PDCD6IP: variants seen among roughly 807,000 people sequenced by gnomAD.
PDCD6IP encodes the protein programmed cell death 6 interacting protein, also known as programmed cell death 6-interacting protein.
A neutral mutation model predicts 103.7 loss-of-function variants in PDCD6IP; 43 were observed. The ratio of observed to expected loss-of-function variants is 0.41; its 90% CI spans 0.32 to 0.53. PDCD6IP has a LOEUF of 0.53. Among genes scored for constraint, PDCD6IP ranks in the 20% least tolerant of loss-of-function variants. The probability of loss-of-function intolerance (pLI) is 0.16; values close to 1 mark genes in which losing one functional copy is unlikely to be tolerated. For synonymous variants in PDCD6IP, 354 were observed against 378.7 expected (o/e 0.93, Z 0.76); for missense variants, 871 against 1,036.7 (o/e 0.84, Z 2.20).
intron 1 of PDCD6IP, chr3:33,799,573 A>T (rs9876986): frequency 6.6e-6 from 1 of 152,122 alleles, no homozygotes; most frequent in Admixed American, 6.5e-5. Context: ...TCACAAACAG[A>T]TATATACACA....
chr3:33,857,326 G>A (rs1310602888), intron 15 of PDCD6IP, among the ~76,000 whole-genome samples: 2 of 151,940 alleles, frequency 1.3e-5, no homozygotes, highest in Non-Finnish European at 2.9e-5. Context: ...CATTACAGGT[G>A]TGCACCACCA....
intron 17 of PDCD6IP, 124 bp downstream of exon 17, chr3:33,865,554 C>A: frequency 1.5e-6 from 1 of 654,734 alleles, no homozygotes; most frequent in Non-Finnish European, 2.5e-6. Flanking sequence ...GCTACACTGT[C>A]AGCTTATCCA....
At chr3:33,860,244 A>G (rs1048044649) in intron 15 of PDCD6IP, among the ~76,000 whole-genome samples, 12 of 152,208 alleles carry the variant, frequency 7.9e-5, no homozygotes, top group African/African-American at 2.7e-4. Flanking sequence ...TTTTATTTAC[A>G]CTTGTCAAGT....
intron 8 of PDCD6IP, among the ~76,000 whole-genome samples, chr3:33,836,593 C>T (rs987977553): frequency 2.0e-5 from 3 of 151,746 alleles, no homozygotes; most frequent in Admixed American, 2.0e-4. Context: ...TGGTGGCTCA[C>T]ACCTGTAATC....
chr3:33,809,209 A>G (rs757355290), intron 1 of PDCD6IP, among the ~76,000 whole-genome samples: 2 of 152,140 alleles, frequency 1.3e-5, no homozygotes, highest in Non-Finnish European at 2.9e-5. Flanking sequence ...TTCCCCTCTA[A>G]AAGCTTCACA....
intron 15 of PDCD6IP, among the ~76,000 whole-genome samples, chr3:33,859,109 G>T (rs1323074730): frequency 6.6e-6 from 1 of 152,124 alleles, no homozygotes; most frequent in Non-Finnish European, 1.5e-5. Flanking sequence ...ATAGAAAATA[G>T]AAATAGATTC....
At chr3:33,826,750 A>G in intron 6 of PDCD6IP, 170 bp downstream of exon 6, 1 of 1,368,446 alleles carries the variant, frequency 7.3e-7, no homozygotes, top group South Asian at 1.7e-5. Context: ...AGATGCATGA[A>G]CAATTCTTTT....
At chr3:33,827,062 C>T in intron 6 of PDCD6IP, 1 of 985,174 alleles carries the variant, frequency 1.0e-6, no homozygotes, top group Non-Finnish European at 1.2e-6. Flanking sequence ...TCAGTTTTGC[C>T]AACAGGGATA....
intron 12 of PDCD6IP, among the ~76,000 whole-genome samples, chr3:33,849,876 C>T (rs2125571344): frequency 6.6e-6 from 1 of 152,230 alleles, no homozygotes; most frequent in East Asian, 1.9e-4. Context: ...GGATCTCTAT[C>T]TTTGTGTGGT....
rs1432318518 is a variant in PDCD6IP, at chr3:33,842,027, A to G, written c.1312A>G (p.Lys438Glu). 6.2e-7 allele frequency: 1 copy of G among 1,613,098 alleles called. No individual in the cohort carries two copies. Among genetic ancestry groups the G allele is most frequent in the South Asian group, 1.1e-5 (1 of 90,980 alleles). The part of the protein sequence containing the change: ...GGIQTVDQLI[K>E]ELPELLQRNR... Reference sequence around the variant, plus strand: ...CATCCAGACTGTTGATCAGTTGATTAAAGAACTGCCTGAATTACTGCAACG... The same window carrying G: ...CATCCAGACTGTTGATCAGTTGATTGAAGAACTGCCTGAATTACTGCAACG... The change falls in exon 10 of 18, where the codon AAA becomes GAA. Residue 438 changes from lysine to glutamate, a missense_variant. This residue lies in a region of PDCD6IP where 266 missense variants were observed against 390.5 expected (regional missense o/e 0.68). Coordinates refer to ENST00000307296, the MANE Select transcript of PDCD6IP (RefSeq NM_013374.6).
Position 33,841,981 on chromosome 3 carries a change from A to T in PDCD6IP, c.1266A>T (p.Arg422Ser), listed in dbSNP as rs1050703511. The change falls in exon 10 of 18, where the codon AGA becomes AGT. Residue 422 changes from arginine (R) to serine (S), a missense_variant. Coordinates refer to ENST00000307296, the MANE Select transcript of PDCD6IP (RefSeq NM_013374.6). ...TVPQSILTKS[R>S]SVIEQGGIQT... is the part of the protein sequence containing the mutation. Reference sequence around the variant, plus strand: ...CTCAGTCTATATTGACTAAATCCAGATCTGTGATTGAACAGGGAGGCATCC... The same window carrying T: ...CTCAGTCTATATTGACTAAATCCAGTTCTGTGATTGAACAGGGAGGCATCC... 3.8e-6 allele frequency: 6 copies of T among 1,595,482 alleles called. No individual in the cohort carries two copies. In the African/African-American group the frequency reaches 6.7e-5, roughly 18 times the overall value.
intron 3 of PDCD6IP, among the ~76,000 whole-genome samples, chr3:33,817,932 T>C (rs1034658341): frequency 1.3e-5 from 2 of 152,006 alleles, no homozygotes; most frequent in East Asian, 1.9e-4. Context: ...ATAGCTCTTA[T>C]ATGTAAAATC....
chr3:33,827,175 G>T (rs529677365), intron 6 of PDCD6IP: 2 of 982,620 alleles, frequency 2.0e-6, no homozygotes, highest in South Asian at 4.7e-5. Flanking sequence ...AGTGACAATT[G>T]TAAAGACTAT....
intron 6 of PDCD6IP, 138 bp downstream of exon 6, chr3:33,826,718 GT>G (rs5847793): frequency 0.16 from 160,468 of 1,011,970 alleles, 6 homozygotes; most frequent in South Asian, 0.17. Context: ...AGTAGAAATA[GT>G]TTTTTTTTTT....
chr3:33,854,155 T>C, intron 14 of PDCD6IP, 142 bp downstream of exon 14: 1 of 862,760 alleles, frequency 1.2e-6, no homozygotes, highest in South Asian at 2.3e-5. Flanking sequence ...CTGCGAAGTT[T>C]GTTATAGGAG....
intron 1 of PDCD6IP, among the ~76,000 whole-genome samples, chr3:33,803,761 T>C (rs916315967): frequency 6.6e-6 from 1 of 152,184 alleles, no homozygotes; most frequent in African/African-American, 2.4e-5. Context: ...AAACCAAGGC[T>C]TTTTGGTTGG....
intron 15 of PDCD6IP, 71 bp from the exon 16 acceptor site, chr3:33,863,932 AAAG>A (rs1698008350): frequency 2.1e-6 from 2 of 963,164 alleles, no homozygotes; most frequent in African/African-American, 1.6e-5. Flanking sequence ...TGTATGAAGA[AAAG>A]AAAAGCTGAT....
intron 5 of PDCD6IP, among the ~76,000 whole-genome samples, 187 bp downstream of exon 5, chr3:33,825,527 C>G (rs1415822141): frequency 1.3e-5 from 2 of 152,186 alleles, no homozygotes; most frequent in Non-Finnish European, 2.9e-5. Context: ...AGAATGTAGG[C>G]TGTGTTTGAA....
intron 7 of PDCD6IP, among the ~76,000 whole-genome samples, chr3:33,834,822 T>C (rs1017580936): frequency 1.3e-5 from 2 of 152,196 alleles, no homozygotes; most frequent in African/African-American, 4.8e-5. Context: ...TATAATGTGT[T>C]CTCTATTTGT....
Sources: gnomAD v4.1 joint callset for allele counts (sites outside exome capture counted in the v4.1 genomes callset) on GRCh38, gnomAD v4.1.1 for gene constraint, gnomAD v4.1.1 regional missense constraint, MANE v1.5 for transcripts, NCBI Gene and HGNC (gene_info 2026-07-23, HGNC 2026-07-21) for gene names.